Variants in POC1A observed in about 807,000 individuals in gnomAD.
The protein encoded by POC1A is POC1 centriolar protein homolog A.
POC1A carries 34 observed loss-of-function variants against 47.8 expected under a neutral mutation model. The observed-to-expected ratio is 0.71, with a 90% CI of 0.54 to 0.95. POC1A has a LOEUF of 0.95. Ranked by LOEUF, POC1A falls within the 40% of genes least tolerant of loss-of-function variation. The probability of loss-of-function intolerance (pLI) is 0.00; values close to 1 mark genes in which losing one functional copy is unlikely to be tolerated. For synonymous variants in POC1A, 177 were observed against 207.6 expected, an observed-to-expected ratio of 0.85 and a Z score of 1.27; for missense variants, 466 against 528.3, an observed-to-expected ratio of 0.88 and a Z score of 1.16.
rs76834634 is a variant in POC1A at position 52,129,663 on chromosome 3, C to G, written c.814-4482G>C. 5.9e-3 allele frequency among the ~76,000 whole-genome samples: 895 copies of G among 152,306 alleles called. 10 individuals are homozygous for G. The highest frequency in any genetic ancestry group is 0.02 in the African/African-American group (842 of 41,560). ...CAGGTCCATTAGCAGGGATGCCTCA[C>G]AGGCTCAATAAGGGCCTCCCTCCCT... On this transcript the variant is annotated intron_variant, in intron 7 of 10. Transcript: ENST00000296484.
At chr3:52,148,657 C>A (rs1319229913) in intron 4 of POC1A, among the ~76,000 whole-genome samples, 1 of 152,214 alleles carries the variant, frequency 6.6e-6, no homozygotes, top group Non-Finnish European at 1.5e-5. Flanking sequence ...GCCTGCGCCC[C>A]CATCTGGGAG....
chr3:52,151,879 G>A (rs913081204), intron 1 of POC1A, among the ~76,000 whole-genome samples: 1 of 150,172 alleles, frequency 6.7e-6, no homozygotes, highest in Non-Finnish European at 1.5e-5. Flanking sequence ...ACATGAAAAT[G>A]CAAGACACCC....
intron 9 of POC1A, among the ~76,000 whole-genome samples, chr3:52,115,367 G>T (rs1409143962): frequency 2.6e-5 from 4 of 152,034 alleles, no homozygotes; most frequent in Non-Finnish European, 5.9e-5. Flanking sequence ...TATAAATCTG[G>T]GGTTCACTCC....
In POC1A at chr3:52,075,956, T is replaced by C; in HGVS notation, c.1155A>G (p.Thr385=). 1.2e-6 allele frequency: 2 copies of C among 1,613,948 alleles called. No homozygotes were observed. Among genetic ancestry groups the C allele is most frequent in the South Asian group, 1.1e-5 (1 of 91,084 alleles). Residue 385 remains threonine, a synonymous_variant, in exon 11 of 11, where the codon ACA becomes ACG. Coordinates refer to ENST00000296484, the MANE Select transcript of POC1A (RefSeq NM_015426.5). ...QTVSILEQRL[T]LTEDKLKQCL... is the part of the protein sequence containing the mutation. ...ACTGCTTCAGCTTGTCTTCTGTCAGTGTCAACCGCTGCTCCAGAATGGAGA... is the reference window on the plus strand; with the variant it reads ...ACTGCTTCAGCTTGTCTTCTGTCAGCGTCAACCGCTGCTCCAGAATGGAGA...
At chr3:52,101,751 C>G (rs1489442451) in intron 9 of POC1A, among the ~76,000 whole-genome samples, 1 of 152,088 alleles carries the variant, frequency 6.6e-6, no homozygotes, top group Non-Finnish European at 1.5e-5. Context: ...CTGTCTCTAA[C>G]ACATGGACAA....
chr3:52,149,503 G>T, intron 3 of POC1A, 114 bp from the exon 4 acceptor site: 1 of 920,604 alleles, frequency 1.1e-6, no homozygotes. Flanking sequence ...AGTCAAGCCC[G>T]AGTACCCCAG....
chr3:52,078,112 C>G (rs956770707), intron 10 of POC1A, among the ~76,000 whole-genome samples: 2 of 152,190 alleles, frequency 1.3e-5, no homozygotes, highest in Non-Finnish European at 2.9e-5. Flanking sequence ...CAACACCCCT[C>G]AAGGCAGTTT....
rs545773577 is a variant in POC1A, at chr3:52,127,654, A to C, written c.814-2473T>G. Among the ~76,000 whole-genome samples, 3 of 151,258 alleles carry C rather than the reference A, an allele frequency of 2.0e-5. No individual in the cohort carries two copies. The South Asian group carries it at 6.3e-4, about 32-fold the overall frequency. On this transcript the variant is annotated intron_variant, in intron 7 of 10. Transcript: ENST00000296484. ...ATGATCTGCCCGTCTCGGCCTCCCAAAGTGCTGGGATTATAGATGTGGGCC... is the reference window on the plus strand; with the variant it reads ...ATGATCTGCCCGTCTCGGCCTCCCACAGTGCTGGGATTATAGATGTGGGCC...
At chr3:52,091,810 A>T (rs1332333970) in intron 10 of POC1A, among the ~76,000 whole-genome samples, 1 of 152,204 alleles carries the variant, frequency 6.6e-6, no homozygotes, top group African/African-American at 2.4e-5. Flanking sequence ...AGCTGGCACC[A>T]GTCTAGCACA....
intron 1 of POC1A, 99 bp downstream of exon 1, chr3:52,154,256 C>G: frequency 7.7e-7 from 1 of 1,305,590 alleles, no homozygotes; most frequent in South Asian, 1.3e-5. Context: ...TGGAACCTGG[C>G]GCCCCGCCCG....
intron 7 of POC1A, among the ~76,000 whole-genome samples, chr3:52,128,429 C>T (rs1308604586): frequency 1.3e-5 from 2 of 152,168 alleles, no homozygotes; most frequent in Non-Finnish European, 2.9e-5. Context: ...AGGGATGAAG[C>T]GAGTGATAAG....
chr3:52,129,096 A>G (rs1167521992), intron 7 of POC1A, among the ~76,000 whole-genome samples: 1 of 152,088 alleles, frequency 6.6e-6, no homozygotes, highest in Non-Finnish European at 1.5e-5. Flanking sequence ...TCTGGTCAAC[A>G]TGGCGAAACC....
intron 7 of POC1A, among the ~76,000 whole-genome samples, chr3:52,134,139 C>A (rs936347201): frequency 6.6e-6 from 1 of 151,992 alleles, no homozygotes. Context: ...GAGTGACATC[C>A]GTGGGAGTTA....
At chr3:52,129,362 T>C (rs1577890023) in intron 7 of POC1A, among the ~76,000 whole-genome samples, 1 of 152,220 alleles carries the variant, frequency 6.6e-6, no homozygotes, top group Non-Finnish European at 1.5e-5. Context: ...CCAGATATGA[T>C]ACATGTTTTT....
At chr3:52,103,025 G>C (rs1443058161) in intron 9 of POC1A, among the ~76,000 whole-genome samples, 3 of 152,298 alleles carry the variant, frequency 2.0e-5, no homozygotes, top group Admixed American at 1.3e-4. Flanking sequence ...TACATTAATG[G>C]AACAAAGAGA....
Position 52,112,531 on chromosome 3 carries a change from A to G in POC1A, c.981+9848T>C, listed in dbSNP as rs564256782. On this transcript the variant is annotated intron_variant, in intron 9 of 10. Transcript: ENST00000296484. Reference sequence around the variant, plus strand: ...GTGGTGCATGCCTGTAATCCCAGCTATTCGGGAGGCTGAGACATGAGAATT... The same window carrying G: ...GTGGTGCATGCCTGTAATCCCAGCTGTTCGGGAGGCTGAGACATGAGAATT... Among the ~76,000 whole-genome samples, 13 of 152,304 alleles carry G rather than the reference A, an allele frequency of 8.5e-5. No homozygotes were observed. In the East Asian group the frequency reaches 2.5e-3, roughly 29 times the overall value.
chr3:52,154,342 C>A lies in POC1A; in HGVS notation c.18+13G>T. Reference sequence around the variant, plus strand: ...AGACTGAGGCCTGGGGAGTTGCTCTCGGCTGGGCTTACCGCGCAGGGCGCA... The same window carrying A: ...AGACTGAGGCCTGGGGAGTTGCTCTAGGCTGGGCTTACCGCGCAGGGCGCA... On this transcript the variant is annotated intron_variant, in intron 1 of 10. Coordinates refer to ENST00000296484, the MANE Select transcript of POC1A (RefSeq NM_015426.5). The A allele has an allele frequency of 6.4e-7, 1 of 1,557,340 alleles. No individual in the cohort carries two copies. Among genetic ancestry groups the A allele is most frequent in the African/African-American group, 1.4e-5 (1 of 70,974 alleles).
intron 10 of POC1A, among the ~76,000 whole-genome samples, chr3:52,076,365 C>A (rs552277989): frequency 1.3e-5 from 2 of 152,176 alleles, no homozygotes; most frequent in Admixed American, 6.5e-5. Flanking sequence ...CTTGTCTGAG[C>A]CAGGCACTGT....
In POC1A at chr3:52,075,905, CATG is replaced by C. The variant is rs1472752280; in HGVS notation, c.1203_1205del (p.Ile401del). ...CCCCTGATCATGGTGTTGCTCTCTG[CATG>C]ATTAGCTGCTGGTTCTCCAGACACT... On this transcript the variant is annotated inframe_deletion, in exon 11 of 11. Transcript: ENST00000296484. 1.9e-6 allele frequency: 3 copies of C among 1,613,450 alleles called. No individual in the cohort carries two copies. The African/African-American group carries it at 4.0e-5, about 22-fold the overall frequency.
Sources: gnomAD v4.1 joint callset for allele counts (sites outside exome capture counted in the v4.1 genomes callset) on GRCh38, gnomAD v4.1.1 for gene constraint, MANE v1.5 for transcripts, NCBI Gene and HGNC (gene_info 2026-07-23, HGNC 2026-07-21) for gene names.